Variants in FAM53B observed in about 807,000 individuals in gnomAD.
FAM53B encodes the protein family with sequence similarity 53 member B.
A neutral mutation model predicts 32.7 loss-of-function variants in FAM53B; 12 were observed. The ratio of observed to expected loss-of-function variants is 0.37; its 90% CI spans 0.24 to 0.59. The LOEUF (loss-of-function observed/expected upper bound fraction) is 0.59. Among genes scored for constraint, FAM53B ranks in the 20% least tolerant of loss-of-function variants. FAM53B has a pLI of 0.72. For missense variants in FAM53B, 477 were observed against 577.7 expected (o/e 0.83, Z 1.79); for synonymous variants, 234 against 228.7 (o/e 1.02, Z -0.21).
At chr10:124,655,002 A>C (rs1374158431) in intron 4 of FAM53B, among the ~76,000 whole-genome samples, 1 of 152,210 alleles carries the variant, frequency 6.6e-6, no homozygotes. Context: ...AAGCGTGCCC[A>C]GGTTACAGGA....
At chr10:124,690,331 G>C (rs989017547) in intron 3 of FAM53B, among the ~76,000 whole-genome samples, 3 of 152,236 alleles carry the variant, frequency 2.0e-5, no homozygotes, top group African/African-American at 7.2e-5. Context: ...GCTTCAGAAC[G>C]ATGTCACATC....
intron 2 of FAM53B, among the ~76,000 whole-genome samples, chr10:124,697,296 A>G (rs1204667957): frequency 3.3e-5 from 5 of 152,168 alleles, no homozygotes; most frequent in African/African-American, 4.8e-5. Flanking sequence ...TCTGACTTCT[A>G]AAAGGAACCC....
At chr10:124,660,937 T>C (rs1012929203) in intron 4 of FAM53B, among the ~76,000 whole-genome samples, 3 of 151,540 alleles carry the variant, frequency 2.0e-5, no homozygotes, top group Non-Finnish European at 2.9e-5. Context: ...AGGCAATCAC[T>C]ACATATTGGG....
chr10:124,678,808 C>T (rs78689838), intron 4 of FAM53B, among the ~76,000 whole-genome samples: 3,241 of 152,270 alleles, frequency 0.021, 54 homozygotes, highest in Non-Finnish European at 0.033. Flanking sequence ...TTCCTGCTGG[C>T]GGATTGGAGG....
rs576377032 is a variant in FAM53B at position 124,681,826 on chromosome 10, G to A, written c.687C>T (p.Leu229=). 3.2e-5 allele frequency: 51 copies of A among 1,611,836 alleles called. No homozygotes were observed. The Admixed American group carries it at 8.5e-4, about 27-fold the overall frequency. The change falls in exon 4 of 5, where the codon CTC becomes CTT. Residue 229 remains leucine (L), a synonymous_variant. Transcript: ENST00000337318. ...AGGAAAACTGCTCATGTGAGCAAGAGAGGGACCGCTGCAGGTCCAGCCGGC... is the reference window on the plus strand; with the variant it reads ...AGGAAAACTGCTCATGTGAGCAAGAAAGGGACCGCTGCAGGTCCAGCCGGC... ...GGGRLDLQRS[L]SCSHEQFSFV...
chr10:124,631,783 C>T (rs939482082), intron 4 of FAM53B, among the ~76,000 whole-genome samples: 7 of 152,180 alleles, frequency 4.6e-5, no homozygotes, highest in Non-Finnish European at 8.8e-5. Flanking sequence ...ACCATCCTGA[C>T]GGCCCCGCCC....
At chr10:124,737,377 T>C (rs774320581) in intron 1 of FAM53B, among the ~76,000 whole-genome samples, 2 of 152,058 alleles carry the variant, frequency 1.3e-5, no homozygotes, top group Non-Finnish European at 2.9e-5. Context: ...GCACCTTCCA[T>C]TGGGACTGGG....
intron 1 of FAM53B, among the ~76,000 whole-genome samples, chr10:124,741,386 G>A (rs965680271): frequency 2.6e-5 from 4 of 152,288 alleles, no homozygotes; most frequent in Admixed American, 6.5e-5. Context: ...TCTGAAGGTG[G>A]GCCCAGAACT....
intron 4 of FAM53B, among the ~76,000 whole-genome samples, chr10:124,639,803 G>A (rs1029881620): frequency 4.6e-5 from 7 of 152,008 alleles, no homozygotes; most frequent in African/African-American, 1.7e-4. Context: ...ACAGATGCCT[G>A]GGGCGGGCAT....
chr10:124,740,627 C>A lies in FAM53B; in HGVS notation c.-175+3386G>T, dbSNP rs576113381. On this transcript the variant is annotated intron_variant, in intron 1 of 4. Transcript: ENST00000337318. ...AGGTGACTCAGCCATCCAGAAAAAA[C>A]CCTCAAACTTAGGCAGGAAACAAAC... Among the ~76,000 whole-genome samples, 3 of 152,296 alleles carry A rather than the reference C, an allele frequency of 2.0e-5. No homozygotes were observed. The East Asian group carries it at 5.8e-4, about 29-fold the overall frequency.
intron 3 of FAM53B, among the ~76,000 whole-genome samples, chr10:124,694,783 A>C (rs1001959361): frequency 2.0e-5 from 3 of 152,210 alleles, no homozygotes; most frequent in Admixed American, 6.5e-5. Flanking sequence ...GGGCCTCCCA[A>C]GTATGTCACA....
chr10:124,644,411 G>A (rs904395552), intron 4 of FAM53B, among the ~76,000 whole-genome samples: 1 of 152,192 alleles, frequency 6.6e-6, no homozygotes, highest in Non-Finnish European at 1.5e-5. Context: ...CCAGAGACAG[G>A]GCTGGGGCTG....
At chr10:124,672,870 T>C (rs775441033) in intron 4 of FAM53B, among the ~76,000 whole-genome samples, 4 of 151,900 alleles carry the variant, frequency 2.6e-5, no homozygotes, top group Non-Finnish European at 4.4e-5. Context: ...AGAGACAAAA[T>C]AGGTCATGGT....
At chr10:124,737,218 T>A (rs1005051317) in intron 1 of FAM53B, among the ~76,000 whole-genome samples, 1 of 152,128 alleles carries the variant, frequency 6.6e-6, no homozygotes, top group African/African-American at 2.4e-5. Flanking sequence ...TCTCCTCTTC[T>A]CCCTTCACTC....
At position 124,710,382 on chromosome 10, in the gene FAM53B, T is replaced by C. The variant is rs1040556262; in HGVS notation, c.-174-3495A>G. ...AATCCAGCTAAATTACAGCAACATG[T>C]GAAATGATCTGGGCACGTTCTCAGA... On this transcript the variant is annotated intron_variant, in intron 1 of 4. Coordinates refer to ENST00000337318, the MANE Select transcript of FAM53B (RefSeq NM_014661.4). Among the ~76,000 whole-genome samples, 3 of 152,206 alleles carry C rather than the reference T, an allele frequency of 2.0e-5. No homozygotes were observed. The East Asian group carries it at 5.8e-4, about 29-fold the overall frequency.
intron 4 of FAM53B, among the ~76,000 whole-genome samples, chr10:124,661,310 C>T (rs1262924762): frequency 6.6e-6 from 1 of 152,184 alleles, no homozygotes; most frequent in Non-Finnish European, 1.5e-5. Context: ...GACCTCTGTC[C>T]TCTGTGAGTG....
chr10:124,698,000 C>T (rs569567470), intron 2 of FAM53B, among the ~76,000 whole-genome samples: 1 of 152,200 alleles, frequency 6.6e-6, no homozygotes, highest in Non-Finnish European at 1.5e-5. Flanking sequence ...GGATGACAAG[C>T]GCATGAGAGC....
At chr10:124,659,244 T>C (rs1442844683) in intron 4 of FAM53B, among the ~76,000 whole-genome samples, 3 of 152,234 alleles carry the variant, frequency 2.0e-5, no homozygotes, top group South Asian at 2.1e-4. Flanking sequence ...CTTTCAGCCA[T>C]GATAGGCCTA....
At chr10:124,716,945 T>G (rs1387728229) in intron 1 of FAM53B, among the ~76,000 whole-genome samples, 3 of 152,120 alleles carry the variant, frequency 2.0e-5, no homozygotes, top group Admixed American at 2.0e-4. Flanking sequence ...CCACTTAGCC[T>G]AAGACAACCA....
Sources: gnomAD v4.1 joint callset for allele counts (sites outside exome capture counted in the v4.1 genomes callset) on GRCh38, gnomAD v4.1.1 for gene constraint, MANE v1.5 for transcripts, NCBI Gene and HGNC (gene_info 2026-07-23, HGNC 2026-07-21) for gene names.